Variants in CNNM2 observed in about 807,000 individuals in gnomAD.
The protein encoded by CNNM2 is metal transporter CNNM2.
CNNM2 carries 12 observed loss-of-function variants against 66.9 expected under a neutral mutation model. The observed-to-expected ratio is 0.18, with a 90% CI of 0.11 to 0.29. The LOEUF (loss-of-function observed/expected upper bound fraction) is 0.29. Among genes scored for constraint, CNNM2 ranks in the 10% least tolerant of loss-of-function variants. The probability of loss-of-function intolerance (pLI) is 1.00; values close to 1 mark genes in which losing one functional copy is unlikely to be tolerated. For synonymous variants in CNNM2, 557 were observed against 501.8 expected (o/e 1.11, Z -1.47); for missense variants, 705 against 1,167.7 (o/e 0.60, Z 5.77).
At chr10:103,029,496 C>A (rs1199587817) in intron 1 of CNNM2, among the ~76,000 whole-genome samples, 1 of 151,020 alleles carries the variant, frequency 6.6e-6, no homozygotes, top group Non-Finnish European at 1.5e-5. Flanking sequence ...AATAATCTAC[C>A]AGACACTGTG....
chr10:102,993,114 A>G (rs1253673043), intron 1 of CNNM2, among the ~76,000 whole-genome samples: 1 of 152,226 alleles, frequency 6.6e-6, no homozygotes, highest in Non-Finnish European at 1.5e-5. Flanking sequence ...GATACTCAGC[A>G]CATGTTAATT....
Position 102,918,661 on chromosome 10 carries a change from G to C in CNNM2, c.181G>C (p.Gly61Arg). The C allele has an allele frequency of 6.5e-7, 1 of 1,549,924 alleles. No individual in the cohort carries two copies. Among genetic ancestry groups the C allele is most frequent in the South Asian group, 1.2e-5 (1 of 83,874 alleles). The part of the protein sequence containing the change: ...LLLLSCCCGA[G>R]GCAAVGENEE... The stretch of plus-strand genomic sequence containing the variant: ...CCTGCTGAGCTGCTGCTGCGGTGCG[G>C]GCGGCTGCGCAGCGGTGGGCGAGAA... The change falls in exon 1 of 8, where the codon GGC (glycine) becomes CGC (arginine). Residue 61 changes from glycine to arginine, a missense_variant. By Grantham distance (125) the Gly-to-Arg change is moderately radical (BLOSUM62 -2). Around this residue, in one of 9 missense-constraint regions of CNNM2, gnomAD observed 37 missense variants for 58.5 expected, o/e 0.63. Transcript: ENST00000369878. The surrounding 1 kb of genome is among the most constrained non-coding windows in gnomAD (Gnocchi z 4.1).
intron 6 of CNNM2, among the ~76,000 whole-genome samples, chr10:103,073,599 C>T (rs1242239046): frequency 3.3e-5 from 5 of 152,130 alleles, no homozygotes; most frequent in African/African-American, 4.8e-5. Context: ...CGGTGGCTCA[C>T]GCCTGTAATC....
intron 1 of CNNM2, among the ~76,000 whole-genome samples, chr10:103,021,292 A>G (rs1166508066): frequency 6.6e-6 from 1 of 152,162 alleles, no homozygotes; most frequent in Admixed American, 6.5e-5. Context: ...CAAAGAGAGT[A>G]GAATTCCCAG....
chr10:103,038,154 AT>A (rs1451843950), intron 1 of CNNM2, among the ~76,000 whole-genome samples: 1 of 152,086 alleles, frequency 6.6e-6, no homozygotes, highest in Admixed American at 6.6e-5. Context: ...AGTCTTGTGT[AT>A]TTCAGGAACT....
chr10:103,053,715 C>T (rs1335573555), intron 2 of CNNM2, among the ~76,000 whole-genome samples: 1 of 152,162 alleles, frequency 6.6e-6, no homozygotes, highest in Admixed American at 6.5e-5. Context: ...GGAGGAAGTT[C>T]GCAGACCTCT....
At chr10:102,999,513 A>G (rs1244862241) in intron 1 of CNNM2, among the ~76,000 whole-genome samples, 3 of 152,184 alleles carry the variant, frequency 2.0e-5, no homozygotes, top group Non-Finnish European at 4.4e-5. Flanking sequence ...TAAAACATTA[A>G]AAGAAATTAA....
chr10:102,994,665 C>T (rs1258888131), intron 1 of CNNM2, among the ~76,000 whole-genome samples: 4 of 152,234 alleles, frequency 2.6e-5, no homozygotes, highest in East Asian at 1.9e-4. Context: ...CTAAAGCTGT[C>T]GGCTCCAGAA....
chr10:103,084,610 T>G lies in CNNM2; in HGVS notation c.*7430T>G, dbSNP rs1399842399. Reference sequence around the variant, plus strand: ...AAATCAGGAAATGCTCCAAGGAAAATGGAGGCAATTTTTCCTGCTGTCAAG... The same window carrying G: ...AAATCAGGAAATGCTCCAAGGAAAAGGGAGGCAATTTTTCCTGCTGTCAAG... On this transcript the variant is annotated 3_prime_UTR_variant, in exon 8 of 8. Coordinates refer to ENST00000369878, the MANE Select transcript of CNNM2 (RefSeq NM_017649.5). The G allele has an allele frequency of 6.6e-6, 1 of 152,136 alleles. No homozygotes were observed. Among genetic ancestry groups the G allele is most frequent in the East Asian group, 1.9e-4 (1 of 5,196 alleles). 9.4% of individuals were successfully genotyped at this position (152,136 alleles called of 1,614,324 possible).
At chr10:103,008,329 C>T (rs1349135384) in intron 1 of CNNM2, among the ~76,000 whole-genome samples, 1 of 152,164 alleles carries the variant, frequency 6.6e-6, no homozygotes, top group Non-Finnish European at 1.5e-5. Flanking sequence ...AATTTCAAAA[C>T]AGTGGCAAAG....
chr10:103,075,426 A>AG (rs1429800523), intron 6 of CNNM2, among the ~76,000 whole-genome samples: 5 of 152,294 alleles, frequency 3.3e-5, no homozygotes, highest in African/African-American at 1.2e-4. Context: ...CTTTGTTTTA[A>AG]GGGAAGGATG....
chr10:103,017,963 CA>C (rs59984156), intron 1 of CNNM2, among the ~76,000 whole-genome samples: 12,175 of 78,844 alleles, frequency 0.15, 988 homozygotes, highest in East Asian at 0.51. Context: ...GAATCTGTCT[CA>C]AAAAAAAAAA....
intron 1 of CNNM2, among the ~76,000 whole-genome samples, chr10:102,944,971 T>C (rs1194052536): frequency 6.6e-6 from 1 of 151,046 alleles, no homozygotes; most frequent in Non-Finnish European, 1.5e-5. Context: ...GGTTTTGTTT[T>C]GTTTTTTGTT....
intron 1 of CNNM2, among the ~76,000 whole-genome samples, chr10:102,993,001 G>A (rs151309678): frequency 1.3e-5 from 2 of 152,196 alleles, no homozygotes; most frequent in South Asian, 2.1e-4. Context: ...TTCAAAAAAG[G>A]TCTTTTCAAC....
chr10:102,931,321 T>C (rs1846054400), intron 1 of CNNM2, among the ~76,000 whole-genome samples: 1 of 151,732 alleles, frequency 6.6e-6, no homozygotes, highest in African/African-American at 2.4e-5. Context: ...GTTAATCTTT[T>C]AGTGTTAAGA....
At chr10:103,059,335 GCCTCAGTGC>G (rs2065346401) in intron 4 of CNNM2, among the ~76,000 whole-genome samples, 1 of 152,096 alleles carries the variant, frequency 6.6e-6, no homozygotes, top group African/African-American at 2.4e-5. Context: ...TCCCTTCCTG[GCCTCAGTGC>G]CAGTGAGATG....
intron 4 of CNNM2, among the ~76,000 whole-genome samples, chr10:103,059,909 A>G (rs2065355983): frequency 6.6e-6 from 1 of 152,170 alleles, no homozygotes; most frequent in African/African-American, 2.4e-5. Flanking sequence ...TGGGAGGTCA[A>G]GATAGGATCG....
intron 4 of CNNM2, among the ~76,000 whole-genome samples, chr10:103,067,698 C>T (rs1293537238): frequency 6.6e-6 from 1 of 152,084 alleles, no homozygotes; most frequent in Non-Finnish European, 1.5e-5. Context: ...TTATAGTGGA[C>T]CCTGGGGTTC....
At chr10:102,992,604 AG>A (rs780362421) in intron 1 of CNNM2, among the ~76,000 whole-genome samples, 26 of 151,868 alleles carry the variant, frequency 1.7e-4, no homozygotes, top group Non-Finnish European at 2.9e-4. Context: ...TTTGTGAGTG[AG>A]TGAGAATGGA....
Sources: gnomAD v4.1 joint callset for allele counts (sites outside exome capture counted in the v4.1 genomes callset) on GRCh38, gnomAD v4.1.1 for gene constraint, gnomAD v4.1.1 regional missense constraint, Gnocchi (gnomAD v3.1) non-coding constraint, MANE v1.5 for transcripts, NCBI Gene and HGNC (gene_info 2026-07-23, HGNC 2026-07-21) for gene names.